The following L3HYPDH variants were observed in gnomAD, a reference collection of about 807,000 sequenced individuals.
L3HYPDH encodes the protein trans-L-3-hydroxyproline dehydratase, also known as trans-3-hydroxy-L-proline dehydratase.
In L3HYPDH, 32 loss-of-function variants were observed where a neutral mutation model predicts 26.5. That is an observed-to-expected ratio of 1.21 (90% CI 0.91 to 1.62). L3HYPDH has a LOEUF of 1.62. Among genes scored for constraint, L3HYPDH ranks in the 40% most tolerant of loss-of-function variants. The pLI is 0.00. For synonymous variants in L3HYPDH, 215 were observed against 196.6 expected (o/e 1.09, Z -0.78); for missense variants, 554 against 476.4 (o/e 1.16, Z -1.52).
At chr14:59,483,403 G>T in intron 1 of L3HYPDH, 1 of 580,560 alleles carries the variant, frequency 1.7e-6, no homozygotes, top group Non-Finnish European at 2.3e-6. Flanking sequence ...TATTAAGTGT[G>T]ATTCTGTGTC....
At chr14:59,474,730 T>G (rs1889510288) in intron 4 of L3HYPDH, 1 of 416,390 alleles carries the variant, frequency 2.4e-6, no homozygotes, top group Non-Finnish European at 4.2e-6. Flanking sequence ...GTACTGACCT[T>G]GTAGGATTCT....
chr14:59,486,668 A>T, upstream of L3HYPDH: 1 of 1,329,384 alleles, frequency 7.5e-7, no homozygotes, highest in South Asian at 1.3e-5. Flanking sequence ...ATTATTTTTT[A>T]TAATCACAAA....
rs1167770058 is a variant in L3HYPDH at position 59,473,039 on chromosome 14, C to T, written c.991G>A (p.Ala331Thr). The T allele has an allele frequency of 1.2e-6, 2 of 1,608,270 alleles. No individual in the cohort carries two copies. The change falls in exon 5 of 5, where the codon GCC becomes ACC. Residue 331 changes from alanine (A) to threonine (T), a missense_variant. Transcript: ENST00000247194. ...KAVIVEVSGQ[A>T]HYTGTASFII... ...AAGCTTGCTGTACCCGTGTAATGGG[C>T]TTGTCCTGATACTTCCACTATAACA...
chr14:59,488,321 A>T (rs1594932533), upstream of L3HYPDH, among the ~76,000 whole-genome samples: 2 of 152,312 alleles, frequency 1.3e-5, no homozygotes, highest in South Asian at 2.1e-4. Context: ...CATGGCTTAT[A>T]GTCATAATCT....
chr14:59,477,052 A>G (rs17096257), intron 2 of L3HYPDH, among the ~76,000 whole-genome samples: 10,762 of 152,276 alleles, frequency 0.071, 480 homozygotes, highest in African/African-American at 0.13. Context: ...GGTTCTTAAC[A>G]TCCAAAGAGT....
chr14:59,487,344 G>A (rs10137509), upstream of L3HYPDH: 46,046 of 173,430 alleles, frequency 0.27, 6,429 homozygotes, highest in South Asian at 0.41. Flanking sequence ...ATTTGGTACC[G>A]TGTCTTGTAC....
Position 59,479,100 on chromosome 14 carries a change from A to C in L3HYPDH, c.678+82T>G, listed in dbSNP as rs377694660. ...CTATTAATAATTTAAACATCATTTA[A>C]TTTTCTTTATAGACATAATAATGTA... On this transcript the variant is annotated intron_variant, in intron 2 of 4. Transcript: ENST00000247194. 582 of 1,041,198 alleles carry C rather than the reference A, an allele frequency of 5.6e-4. 2 individuals carry two copies. The highest frequency in any genetic ancestry group is 1.4e-3 in the South Asian group (82 of 57,342). 64.5% of individuals were successfully genotyped at this position (1,041,198 alleles called of 1,614,324 possible).
intron 1 of L3HYPDH, among the ~76,000 whole-genome samples, chr14:59,481,564 A>C (rs1161859327): frequency 2.0e-5 from 3 of 152,220 alleles, no homozygotes; most frequent in Admixed American, 6.5e-5. Context: ...CATATCACTG[A>C]AATTTCAATT....
At chr14:59,477,256 G>C (rs1180824415) in intron 2 of L3HYPDH, among the ~76,000 whole-genome samples, 5 of 152,212 alleles carry the variant, frequency 3.3e-5, no homozygotes, top group Non-Finnish European at 7.3e-5. Context: ...CTAGCAGAAT[G>C]TCTAACATAT....
chr14:59,483,962 C>T lies in L3HYPDH; in HGVS notation c.355G>A (p.Gly119Arg), dbSNP rs571496171. ...LALGRFALDF[G>R]LVPAPPAGTR... ...CCCGCAGGGGGCGCCGGCACAAGCC[C>T]GAAGTCCAAAGCGAAGCGGCCCAGC... The change falls in exon 1 of 5, where the codon GGG (glycine) becomes AGG (arginine). Residue 119 changes from glycine (G) to arginine (R), a missense_variant. Transcript: ENST00000247194. 1.1e-5 allele frequency: 18 copies of T among 1,567,560 alleles called. No homozygotes were observed. In the African/African-American group the frequency reaches 1.9e-4, roughly 16 times the overall value.
intron 1 of L3HYPDH, among the ~76,000 whole-genome samples, chr14:59,466,853 C>T (rs1298481317): frequency 2.0e-5 from 3 of 152,242 alleles, no homozygotes; most frequent in African/African-American, 4.8e-5. Context: ...TAGTTCCTAC[C>T]TACGAGATGC....
the L3HYPDH span, among the ~76,000 whole-genome samples, chr14:59,501,980 A>G: frequency 6.6e-6 from 1 of 152,312 alleles, no homozygotes; most frequent in East Asian, 1.9e-4. Context: ...CATAACGTTT[A>G]TATTTTCAAA....
chr14:59,484,152 G>A lies in L3HYPDH; in HGVS notation c.165C>T (p.Arg55=). 1.9e-6 allele frequency: 3 copies of A among 1,600,836 alleles called. No homozygotes were observed. The highest frequency in any genetic ancestry group is 2.5e-6 in the Non-Finnish European group (3 of 1,179,290). ...PTLLAKRRYM[R]QHLDHVRRRL... ...GTCGCCGCACGTGGTCAAGGTGCTG[G>A]CGCATGTAGCGCCGCTTGGCCAGCA... Residue 55 remains arginine (R), a synonymous_variant, in exon 1 of 5, where the codon CGC becomes CGT. Transcript: ENST00000247194.
Position 59,484,340 on chromosome 14 carries a change from A to G in L3HYPDH, c.-24T>C, listed in dbSNP as rs370582755. On this transcript the variant is annotated 5_prime_UTR_variant, in exon 1 of 5. Coordinates refer to ENST00000247194, the MANE Select transcript of L3HYPDH (RefSeq NM_144581.2). ...ATGGTCTGCGTCGGGGGAGACGAGT[A>G]CGGTCCCGCAGCTATGGCTTCAAGC... 1.9e-6 allele frequency: 3 copies of G among 1,562,504 alleles called. No individual in the cohort carries two copies. The highest frequency in any genetic ancestry group is 2.6e-6 in the Non-Finnish European group (3 of 1,160,232).
chr14:59,480,518 T>G (rs562523107), intron 1 of L3HYPDH, among the ~76,000 whole-genome samples: 1 of 152,318 alleles, frequency 6.6e-6, no homozygotes, highest in South Asian at 2.1e-4. Flanking sequence ...GGACAACACA[T>G]GGAGTGATGA....
downstream of L3HYPDH, among the ~76,000 whole-genome samples, chr14:59,468,216 T>C (rs775806099): frequency 4.6e-5 from 7 of 152,196 alleles, no homozygotes; most frequent in Admixed American, 6.5e-5. Flanking sequence ...AGTGAGACCA[T>C]GTCTCTTTTA....
At chr14:59,484,991 T>C (rs1890416845), upstream of L3HYPDH, 1 of 1,580,920 alleles carries the variant, frequency 6.3e-7, no homozygotes, top group Non-Finnish European at 8.5e-7. Flanking sequence ...CAAACGTAGA[T>C]TTATAGCGCC....
intron 4 of L3HYPDH, chr14:59,474,683 G>GT: frequency 5.4e-6 from 3 of 560,730 alleles, no homozygotes; most frequent in African/African-American, 1.9e-5. Context: ...CCAATTCTCC[G>GT]TTTTATCATC....
At chr14:59,494,955 T>G in the L3HYPDH span, 1 of 1,164,814 alleles carries the variant, frequency 8.6e-7, no homozygotes, top group Non-Finnish European at 1.3e-6. Context: ...CATGTACATG[T>G]TTTATTAAAG....
Sources: gnomAD v4.1 joint callset for allele counts (sites outside exome capture counted in the v4.1 genomes callset) on GRCh38, gnomAD v4.1.1 for gene constraint, MANE v1.5 for transcripts, NCBI Gene and HGNC (gene_info 2026-07-23, HGNC 2026-07-21) for gene names.